SLC12A7: variants seen among roughly 807,000 people sequenced by gnomAD.
SLC12A7 encodes K-Cl cotransporter 4.
A neutral mutation model predicts 120.6 loss-of-function variants in SLC12A7; 100 were observed. The ratio of observed to expected loss-of-function variants is 0.83; its 90% CI spans 0.71 to 0.98. The LOEUF (loss-of-function observed/expected upper bound fraction) is 0.98. Ranked by LOEUF, SLC12A7 falls within the 50% of genes least tolerant of loss-of-function variation. The pLI, the probability that SLC12A7 is intolerant of heterozygous loss-of-function variation, is 0.00. For synonymous variants in SLC12A7, 760 were observed against 678.0 expected, an observed-to-expected ratio of 1.12 and a Z score of -1.88; for missense variants, 1,373 against 1,548.1, an observed-to-expected ratio of 0.89 and a Z score of 1.90.
chr5:1,080,171 C>A (rs534701396), intron 9 of SLC12A7, among the ~76,000 whole-genome samples: 1 of 150,400 alleles, frequency 6.6e-6, no homozygotes, highest in African/African-American at 2.4e-5. Flanking sequence ...CCTCCACCCG[C>A]GGCTCAGAGA....
At chr5:1,114,736 CG>C (rs1326652513), upstream of SLC12A7, among the ~76,000 whole-genome samples, 1 of 150,762 alleles carries the variant, frequency 6.6e-6, no homozygotes. Context: ...TGCTGGGATC[CG>C]GGTCCAGTCC....
At chr5:1,120,841 C>T in the SLC12A7 span, among the ~76,000 whole-genome samples, 3 of 152,210 alleles carry the variant, frequency 2.0e-5, no homozygotes, top group Admixed American at 1.3e-4. Flanking sequence ...CTGGGGTGCA[C>T]ACCAGCACAG....
chr5:1,114,649 C>T (rs986375819), upstream of SLC12A7, among the ~76,000 whole-genome samples: 6 of 152,238 alleles, frequency 3.9e-5, no homozygotes, highest in Admixed American at 1.3e-4. Context: ...TGGAGGTACC[C>T]GAGGCCTGGG....
Position 1,077,918 on chromosome 5 carries a change from G to T in SLC12A7, c.1544C>A (p.Thr515Asn), listed in dbSNP as rs368576140. Residue 515 changes from threonine to asparagine, a missense_variant, in exon 12 of 24, where the codon ACC becomes AAC. Transcript: ENST00000264930. Reference sequence around the variant, plus strand: ...GAGGCTCTGCAGGCCGGCACCGCAGGTGGAGAAGAAGGAGCCGATGACGAT... The same window carrying T: ...GAGGCTCTGCAGGCCGGCACCGCAGTTGGAGAAGAAGGAGCCGATGACGAT... ...WVIVIGSFFS[T>N]CGAGLQSLTG... 1 of 1,601,308 alleles carries T rather than the reference G, an allele frequency of 6.2e-7. No homozygotes were observed. Among genetic ancestry groups the T allele is most frequent in the Admixed American group, 1.7e-5 (1 of 58,684 alleles).
the SLC12A7 span, among the ~76,000 whole-genome samples, chr5:1,130,319 G>A: frequency 6.6e-6 from 1 of 152,166 alleles, no homozygotes; most frequent in Non-Finnish European, 1.5e-5. Flanking sequence ...GGCACCTCCT[G>A]TCTCCGCTCA....
chr5:1,122,080 G>A, the SLC12A7 span, among the ~76,000 whole-genome samples: 3 of 152,150 alleles, frequency 2.0e-5, no homozygotes, highest in Non-Finnish European at 4.4e-5. Context: ...CCGGGCCCAC[G>A]GCAACGCAGC....
intron 22 of SLC12A7, 41 bp downstream of exon 22, chr5:1,057,430 C>T (rs769121056): frequency 6.3e-5 from 99 of 1,567,618 alleles, no homozygotes; most frequent in Non-Finnish European, 8.3e-5. Flanking sequence ...GCCAGCACTG[C>T]CAGGATCTGT....
chr5:1,125,439 G>A, the SLC12A7 span, among the ~76,000 whole-genome samples: 1 of 151,998 alleles, frequency 6.6e-6, no homozygotes, highest in Non-Finnish European at 1.5e-5. Flanking sequence ...TATTTTCATT[G>A]AATCTGCAGG....
At chr5:1,109,706 C>T (rs916878813) in intron 1 of SLC12A7, among the ~76,000 whole-genome samples, 2 of 152,222 alleles carry the variant, frequency 1.3e-5, no homozygotes, top group Admixed American at 6.5e-5. Flanking sequence ...GACACCAAGG[C>T]CCCTGCTCCT....
chr5:1,106,552 C>A (rs10044441), intron 1 of SLC12A7, among the ~76,000 whole-genome samples: 91,074 of 151,936 alleles, frequency 0.6, 27,875 homozygotes, highest in Non-Finnish European at 0.64. Context: ...GCCATCCATC[C>A]CTGGGGTGTC....
At chr5:1,137,297 GCC>G in the SLC12A7 span, among the ~76,000 whole-genome samples, 2 of 152,008 alleles carry the variant, frequency 1.3e-5, no homozygotes, top group African/African-American at 4.8e-5. Flanking sequence ...CTCCATCTGT[GCC>G]CCGAGAAACC....
chr5:1,053,534 G>A (rs771897285), intron 22 of SLC12A7, 52 bp from the exon 23 acceptor site: 50 of 1,595,706 alleles, frequency 3.1e-5, no homozygotes, highest in Middle Eastern at 3.5e-4. Flanking sequence ...CCCACGCTCC[G>A]GACACGAGGC....
chr5:1,062,791 G>A (rs374077832), intron 20 of SLC12A7: 63 of 154,338 alleles, frequency 4.1e-4, no homozygotes, highest in African/African-American at 1.4e-3. Flanking sequence ...GGGACAGCGT[G>A]ACAGTCTCTA....
At chr5:1,103,506 C>T (rs1327098498) in intron 1 of SLC12A7, among the ~76,000 whole-genome samples, 7 of 152,218 alleles carry the variant, frequency 4.6e-5, no homozygotes, top group African/African-American at 7.2e-5. Context: ...CTTGCTCACA[C>T]GGAAGACACT....
intron 17 of SLC12A7, among the ~76,000 whole-genome samples, chr5:1,067,451 G>A (rs185353144): frequency 1.3e-5 from 2 of 152,376 alleles, no homozygotes; most frequent in African/African-American, 4.8e-5. Context: ...TTATGCGGCT[G>A]CTTCTCATCC....
the SLC12A7 span, among the ~76,000 whole-genome samples, chr5:1,151,260 CA>C: frequency 5.3e-5 from 8 of 152,360 alleles, no homozygotes; most frequent in African/African-American, 1.9e-4. This position sits in a 1 kb window ranked among gnomAD's most constrained non-coding sequence, Gnocchi z 6.2. Flanking sequence ...CCTTAAGCGG[CA>C]AAAACCCAAC....
intron 1 of SLC12A7, among the ~76,000 whole-genome samples, chr5:1,095,737 AC>A (rs1288546150): frequency 3.9e-5 from 6 of 152,182 alleles, no homozygotes; most frequent in Non-Finnish European, 5.9e-5. Context: ...ACTGGCGGCC[AC>A]CCTGGCTGGC....
At chr5:1,149,351 C>T in the SLC12A7 span, among the ~76,000 whole-genome samples, 1 of 152,122 alleles carries the variant, frequency 6.6e-6, no homozygotes, top group Non-Finnish European at 1.5e-5. Context: ...CCAAGGTGGG[C>T]AGATCACTTG....
chr5:1,076,652 C>A (rs745857683), intron 13 of SLC12A7, 42 bp downstream of exon 13: 9 of 1,471,352 alleles, frequency 6.1e-6, no homozygotes, highest in Non-Finnish European at 8.5e-6. Context: ...ACGCTCCAGG[C>A]CCATACACCC....
Sources: allele counts gnomAD v4.1 joint callset (sites outside exome capture counted in the v4.1 genomes callset), GRCh38; gene constraint gnomAD v4.1.1; non-coding constraint Gnocchi (gnomAD v3.1); transcripts MANE v1.5; gene names NCBI Gene and HGNC (gene_info 2026-07-23, HGNC 2026-07-21).